Variants in PDE1C observed in about 807,000 individuals in gnomAD.
PDE1C encodes phosphodiesterase 1C.
A neutral mutation model predicts 93.1 loss-of-function variants in PDE1C; 62 were observed. The observed-to-expected ratio is 0.67, with a 90% CI of 0.54 to 0.82. The LOEUF (loss-of-function observed/expected upper bound fraction) is 0.82. PDE1C is among the 40% of genes least tolerant of loss of function. The pLI is 0.00. For synonymous variants in PDE1C, 325 were observed against 310.1 expected, an observed-to-expected ratio of 1.05 and a Z score of -0.50; for missense variants, 742 against 884.6, an observed-to-expected ratio of 0.84 and a Z score of 2.04.
chr7:31,624,883 G>GTT, the PDE1C span, among the ~76,000 whole-genome samples: 3 of 152,030 alleles, frequency 2.0e-5, no homozygotes, highest in East Asian at 5.8e-4. Context: ...TCTGACAAAG[G>GTT]GCTAATATCC....
chr7:32,337,742 A>C (rs1783658156), intron 1 of PDE1C, among the ~76,000 whole-genome samples: 1 of 152,132 alleles, frequency 6.6e-6, no homozygotes, highest in Non-Finnish European at 1.5e-5. Context: ...GGGAGAAGAA[A>C]GACAAGTACT....
At chr7:32,186,361 C>T (rs1054345345) in intron 2 of PDE1C, among the ~76,000 whole-genome samples, 1 of 152,086 alleles carries the variant, frequency 6.6e-6, no homozygotes. Context: ...CTCGGCCTCC[C>T]AAAGTGCTGG....
chr7:32,155,470 G>A (rs548814134), intron 3 of PDE1C, among the ~76,000 whole-genome samples: 1 of 152,288 alleles, frequency 6.6e-6, no homozygotes, highest in East Asian at 1.9e-4. Flanking sequence ...GAAAACTCTA[G>A]AAAGGAAAGA....
chr7:32,042,979 G>A (rs1792046030), intron 2 of PDE1C, among the ~76,000 whole-genome samples: 1 of 152,200 alleles, frequency 6.6e-6, no homozygotes, highest in African/African-American at 2.4e-5. Context: ...ACAGCTAAAT[G>A]TGACAGAACA....
At chr7:32,376,239 T>C (rs1246155753) in intron 1 of PDE1C, among the ~76,000 whole-genome samples, 3 of 152,088 alleles carry the variant, frequency 2.0e-5, no homozygotes, top group East Asian at 3.9e-4. Flanking sequence ...CCAGCTGAAC[T>C]CATGTAGCCA....
intron 2 of PDE1C, among the ~76,000 whole-genome samples, chr7:31,902,599 C>T (rs1800119966): frequency 6.6e-6 from 1 of 151,684 alleles, no homozygotes; most frequent in South Asian, 2.1e-4. Flanking sequence ...TAAGCATATC[C>T]TGAAATATTC....
At chr7:32,098,996 A>G (rs1797913242) in intron 3 of PDE1C, among the ~76,000 whole-genome samples, 1 of 152,232 alleles carries the variant, frequency 6.6e-6, no homozygotes, top group Non-Finnish European at 1.5e-5. Flanking sequence ...TGTATACTCA[A>G]AAGGTTAAAA....
the PDE1C span, chr7:31,643,935 A>C: frequency 6.2e-7 from 1 of 1,611,662 alleles, no homozygotes; most frequent in Non-Finnish European, 8.5e-7. Flanking sequence ...AGGACACTAC[A>C]GTGAGGGAGC....
intron 2 of PDE1C, among the ~76,000 whole-genome samples, chr7:31,885,727 A>G (rs1322940867): frequency 6.6e-6 from 1 of 152,198 alleles, no homozygotes; most frequent in African/African-American, 2.4e-5. Flanking sequence ...GATAATTCCT[A>G]GGACCAATGG....
chr7:31,676,538 T>C, the PDE1C span, among the ~76,000 whole-genome samples: 7,068 of 152,122 alleles, frequency 0.046, 528 homozygotes, highest in African/African-American at 0.16. Context: ...AGATGTATAG[T>C]TGAAGCACTG....
intron 11 of PDE1C, among the ~76,000 whole-genome samples, chr7:31,830,194 C>T (rs1404177415): frequency 1.3e-5 from 2 of 149,838 alleles, no homozygotes; most frequent in Admixed American, 6.6e-5. Context: ...GATATACTTA[C>T]GAATTGAAAA....
chr7:32,142,272 G>C (rs1193147140), intron 3 of PDE1C, among the ~76,000 whole-genome samples: 11 of 152,128 alleles, frequency 7.2e-5, no homozygotes, highest in Admixed American at 6.6e-4. Flanking sequence ...AAGGGCAAAG[G>C]CACTCAAGGA....
the PDE1C span, among the ~76,000 whole-genome samples, chr7:31,689,390 G>C: frequency 1.3e-5 from 2 of 152,198 alleles, no homozygotes; most frequent in Non-Finnish European, 2.9e-5. Context: ...ATGAAAGAAA[G>C]AGCTGGTGCC....
intron 2 of PDE1C, among the ~76,000 whole-genome samples, chr7:31,982,899 A>C (rs1488712151): frequency 6.6e-6 from 1 of 152,208 alleles, no homozygotes. Context: ...CTGACCAGTT[A>C]GCTCCTCTCT....
chr7:32,342,867 C>T (rs1251342772), intron 1 of PDE1C, among the ~76,000 whole-genome samples: 2 of 152,094 alleles, frequency 1.3e-5, no homozygotes, highest in African/African-American at 4.8e-5. Flanking sequence ...AATGTTCCAC[C>T]CACATTTTTG....
chr7:32,198,219 T>C lies in PDE1C; in HGVS notation c.136+11270A>G, dbSNP rs568894525. Among the ~76,000 whole-genome samples the C allele has an allele frequency of 6.2e-4, 95 of 152,300 alleles. No homozygotes were observed. The South Asian group carries it at 7.4e-3, about 12-fold the overall frequency. ...ATTTTGCCCTCACTCTTAAATGATA[T>C]TTCTCTCAATTTAAAATTTCAGGTC... On this transcript the variant is annotated intron_variant, in intron 2 of 18. Transcript: ENST00000396193.
At chr7:31,873,448 A>T (rs1431416263) in intron 5 of PDE1C, 40 bp from the exon 6 acceptor site, 5 of 1,241,944 alleles carry the variant, frequency 4.0e-6, no homozygotes, top group Non-Finnish European at 5.9e-6. Context: ...ATTAGCCCAC[A>T]GACACTTACA....
chr7:32,299,588 A>G (rs575113500), upstream of PDE1C, among the ~76,000 whole-genome samples: 4 of 152,196 alleles, frequency 2.6e-5, no homozygotes, highest in South Asian at 4.1e-4. Context: ...TATCTTACCA[A>G]TCCCATAGCT....
chr7:31,821,991 G>T (rs1178187714), intron 14 of PDE1C, among the ~76,000 whole-genome samples: 1 of 152,078 alleles, frequency 6.6e-6, no homozygotes, highest in Non-Finnish European at 1.5e-5. Context: ...ATGTGTTTTT[G>T]TCTGATGTGA....
Sources: gnomAD v4.1 joint callset for allele counts (sites outside exome capture counted in the v4.1 genomes callset) on GRCh38, gnomAD v4.1.1 for gene constraint, MANE v1.5 for transcripts, NCBI Gene and HGNC (gene_info 2026-07-23, HGNC 2026-07-21) for gene names.